The following SACM1L variants were observed in gnomAD, a reference collection of about 807,000 sequenced individuals.
The protein encoded by SACM1L is SAC1 like phosphatidylinositide phosphatase.
A neutral mutation model predicts 89.5 loss-of-function variants in SACM1L; 32 were observed. The ratio of observed to expected loss-of-function variants is 0.36; its 90% CI spans 0.27 to 0.48. The LOEUF is 0.48. Ranked by LOEUF, SACM1L falls within the 20% of genes least tolerant of loss-of-function variation. SACM1L has a pLI of 0.99. For missense variants in SACM1L, 543 were observed against 708.5 expected (o/e 0.77, Z 2.65); for synonymous variants, 213 against 232.8 (o/e 0.92, Z 0.77).
chr3:45,690,173 A>G (rs1697940518), intron 1 of SACM1L: 1 of 152,326 alleles, frequency 6.6e-6, no homozygotes, highest in South Asian at 2.1e-4. Context: ...AGTCTTTGAT[A>G]CAGAGGCTGT....
chr3:45,693,639 A>G (rs1420311244), intron 1 of SACM1L, among the ~76,000 whole-genome samples: 3 of 152,186 alleles, frequency 2.0e-5, no homozygotes, highest in African/African-American at 4.8e-5. Flanking sequence ...GAGTCCAGTG[A>G]TCTTTCCATT....
chr3:45,689,551 G>T, intron 1 of SACM1L, 54 bp downstream of exon 1: 1 of 1,540,976 alleles, frequency 6.5e-7, no homozygotes. Context: ...GGCAGGTGCG[G>T]GCCCTGGCCT....
At chr3:45,734,094 A>C (rs1461213799) in intron 13 of SACM1L, among the ~76,000 whole-genome samples, 1 of 150,066 alleles carries the variant, frequency 6.7e-6, no homozygotes, top group Non-Finnish European at 1.5e-5. Context: ...TACTATTTGC[A>C]TGTATTACCC....
At chr3:45,720,939 A>G (rs1268781940) in intron 8 of SACM1L, among the ~76,000 whole-genome samples, 1 of 152,238 alleles carries the variant, frequency 6.6e-6, no homozygotes, top group Non-Finnish European at 1.5e-5. Flanking sequence ...TCTTTCTGAT[A>G]ATTTGGTAAT....
At chr3:45,737,443 C>A in intron 14 of SACM1L, 140 bp from the exon 15 acceptor site, 1 of 837,396 alleles carries the variant, frequency 1.2e-6, no homozygotes, top group Non-Finnish European at 2.0e-6. Flanking sequence ...GAGCTGGGGC[C>A]CCCTATAGAC....
intron 11 of SACM1L, among the ~76,000 whole-genome samples, chr3:45,724,298 GGTGTGTGT>G (rs61075879): frequency 1.8e-4 from 25 of 139,820 alleles, no homozygotes; most frequent in East Asian, 8.8e-4. Flanking sequence ...GTTGTTTTCT[GGTGTGTGT>G]GTGTGTGTGT....
chr3:45,739,953 A>G, intron 19 of SACM1L: 1 of 382,348 alleles, frequency 2.6e-6, no homozygotes, highest in Admixed American at 4.3e-5. Context: ...GGACCTGCCC[A>G]GGAAAAAGAG....
chr3:45,714,238 T>G (rs5019353), intron 7 of SACM1L, among the ~76,000 whole-genome samples, 159 bp downstream of exon 7: 72,089 of 118,582 alleles, frequency 0.61, 17,971 homozygotes, highest in Middle Eastern at 0.69. Flanking sequence ...TGCTATTTTG[T>G]TTGTTTTTTT....
chr3:45,716,555 C>T (rs1366133488), intron 7 of SACM1L, among the ~76,000 whole-genome samples: 1 of 152,122 alleles, frequency 6.6e-6, no homozygotes, highest in African/African-American at 2.4e-5. Flanking sequence ...GGTCAGCGCA[C>T]AGGTAGAGGG....
chr3:45,713,227 T>G (rs1439965234), intron 6 of SACM1L, 31 bp downstream of exon 6: 1 of 1,553,750 alleles, frequency 6.4e-7, no homozygotes, highest in East Asian at 2.2e-5. Flanking sequence ...TCTGCTTAAT[T>G]GTTACAGTCC....
intron 11 of SACM1L, among the ~76,000 whole-genome samples, chr3:45,729,706 C>G (rs1699003099): frequency 6.6e-6 from 1 of 152,110 alleles, no homozygotes; most frequent in South Asian, 2.1e-4. Flanking sequence ...TGAGTCTCCT[C>G]TCTCTTGCTG....
intron 5 of SACM1L, among the ~76,000 whole-genome samples, chr3:45,710,012 G>T (rs1365605288): frequency 6.6e-6 from 1 of 152,112 alleles, no homozygotes; most frequent in African/African-American, 2.4e-5. Flanking sequence ...GCATTCATTT[G>T]TAATTTCTTA....
chr3:45,698,520 T>A (rs935863684), intron 1 of SACM1L, among the ~76,000 whole-genome samples: 2 of 152,196 alleles, frequency 1.3e-5, no homozygotes, highest in Non-Finnish European at 2.9e-5. Flanking sequence ...TCTACCTTGA[T>A]CCATAATTAC....
chr3:45,706,394 G>T (rs1253414401), intron 3 of SACM1L, among the ~76,000 whole-genome samples: 1 of 152,208 alleles, frequency 6.6e-6, no homozygotes, highest in Non-Finnish European at 1.5e-5. Context: ...TTGCCCTGTA[G>T]TGTCAGATCT....
chr3:45,738,537 G>C (rs772903845), intron 16 of SACM1L, 41 bp from the exon 17 acceptor site: 3 of 1,178,238 alleles, frequency 2.5e-6, no homozygotes, highest in Non-Finnish European at 3.8e-6. Context: ...TGAGAATTCA[G>C]TGTACAAACC....
intron 13 of SACM1L, among the ~76,000 whole-genome samples, chr3:45,733,500 C>G (rs1699124316): frequency 6.6e-6 from 1 of 152,138 alleles, no homozygotes. Flanking sequence ...CTTGCACACA[C>G]ATATATATGT....
chr3:45,739,892 G>A (rs1238229763), intron 19 of SACM1L: 4 of 531,432 alleles, frequency 7.5e-6, no homozygotes, highest in Non-Finnish European at 1.3e-5. Context: ...AAACCAATGA[G>A]TGTCTGAGAC....
At chr3:45,722,517 A>C (rs191567051) in intron 9 of SACM1L, among the ~76,000 whole-genome samples, 1 of 152,320 alleles carries the variant, frequency 6.6e-6, no homozygotes, top group Admixed American at 6.5e-5. Flanking sequence ...ATGTTCATAA[A>C]CATATTCATT....
At chr3:45,742,257 T>C (rs527586311) in intron 19 of SACM1L, among the ~76,000 whole-genome samples, 336 of 152,302 alleles carry the variant, frequency 2.2e-3, no homozygotes, top group African/African-American at 7.5e-3. Flanking sequence ...TCGAGTATAT[T>C]TTGAGTAAAA....
Sources: gnomAD v4.1 joint callset for allele counts (sites outside exome capture counted in the v4.1 genomes callset) on GRCh38, gnomAD v4.1.1 for gene constraint, MANE v1.5 for transcripts, NCBI Gene and HGNC (gene_info 2026-07-23, HGNC 2026-07-21) for gene names.